The following MED13 variants were observed in gnomAD, a reference collection of about 807,000 sequenced individuals.
MED13 encodes mediator complex subunit 13.
Under a neutral mutation model 225.2 loss-of-function variants are expected in MED13, and 23 were observed. The ratio of observed to expected loss-of-function variants is 0.10; its 90% CI spans 0.07 to 0.14. The LOEUF is 0.14. MED13 is among the 10% of genes least tolerant of loss of function. The pLI is 1.00. For missense variants in MED13, 2,197 were observed against 2,594.5 expected, an observed-to-expected ratio of 0.85 and a Z score of 3.33; for synonymous variants, 942 against 889.2, an observed-to-expected ratio of 1.06 and a Z score of -1.06.
intron 9 of MED13, among the ~76,000 whole-genome samples, chr17:62,009,037 TA>T (rs1567974725): frequency 6.6e-6 from 1 of 151,790 alleles, no homozygotes; most frequent in South Asian, 2.1e-4. Flanking sequence ...AGTAATTCAC[TA>T]AAAAAAAGGT....
At chr17:62,051,706 T>C (rs1362666768) in intron 3 of MED13, among the ~76,000 whole-genome samples, 1 of 152,170 alleles carries the variant, frequency 6.6e-6, no homozygotes, top group African/African-American at 2.4e-5. Flanking sequence ...GACCTCAAAA[T>C]GATTACAATC....
In MED13 at chr17:62,048,066, A is replaced by ATATG. The variant is rs1568001129; in HGVS notation, c.470+4470_470+4471insCATA. 2.4e-3 allele frequency among the ~76,000 whole-genome samples: 340 copies of ATATG among 143,960 alleles called. 1 individual carries two copies. The highest frequency in any genetic ancestry group is 8.3e-3 in the African/African-American group (326 of 39,198). The allele number at this position is 143,960 out of a possible 152,430, so 94.4% of individuals were successfully genotyped here. On this transcript the variant is annotated intron_variant, in intron 3 of 29. Transcript: ENST00000397786. ...TACATATATATATATATATATATGT[A>ATATG]TATATGTATATATATATCCCTGAAG...
chr17:62,006,286 G>T (rs1267137727), intron 9 of MED13: 5 of 123,428 alleles, frequency 4.1e-5, no homozygotes, highest in South Asian at 2.7e-4. Context: ...AAAAAAAAAG[G>T]GGGGGGGGAG....
At chr17:61,960,822 T>C in intron 23 of MED13, 45 bp downstream of exon 23, 2 of 1,339,764 alleles carry the variant, frequency 1.5e-6, no homozygotes, top group African/African-American at 1.5e-5. Context: ...TGAAACAAAA[T>C]GTTACAAATG....
Position 62,029,607 on chromosome 17 carries a change from G to A in MED13, c.1217C>T (p.Thr406Ile). The change falls in exon 8 of 30, where the codon ACA (threonine) becomes ATA (isoleucine). Residue 406 changes from threonine to isoleucine, a missense_variant. Coordinates refer to ENST00000397786, the MANE Select transcript of MED13 (RefSeq NM_005121.3). ...ASSGGLCEEA[T>I]AAKVASWDFV... ...ATCCCAGGATGCCACTTTAGCAGCT[G>A]TCGCTTCTTCGCATAGACCACCTGA... 2 of 1,614,140 alleles carry A rather than the reference G, an allele frequency of 1.2e-6. No homozygotes were observed. The highest frequency in any genetic ancestry group is 1.7e-6 in the Non-Finnish European group (2 of 1,180,022).
chr17:62,054,670 A>G (rs2080983159), intron 2 of MED13, among the ~76,000 whole-genome samples: 1 of 152,206 alleles, frequency 6.6e-6, no homozygotes, highest in Non-Finnish European at 1.5e-5. Flanking sequence ...AGGTCCTACC[A>G]TTTCAAAATT....
At chr17:61,946,753 T>C (rs890699910) in intron 29 of MED13, among the ~76,000 whole-genome samples, 153 bp from the exon 30 acceptor site, 1 of 152,222 alleles carries the variant, frequency 6.6e-6, no homozygotes, top group African/African-American at 2.4e-5. Context: ...CCATAAAAAT[T>C]ATTCTCAAAA....
intron 8 of MED13, among the ~76,000 whole-genome samples, chr17:62,015,942 ATATATATATATATTTTTTTT>A (rs1244910646): frequency 6.0e-4 from 6 of 10,036 alleles, no homozygotes; most frequent in African/African-American, 7.9e-4. Context: ...ATATATATAT[ATATATATATATATTTTTTTT>A]TTTTTTTTTT....
intron 8 of MED13, among the ~76,000 whole-genome samples, chr17:62,022,867 G>A (rs916369568): frequency 6.6e-6 from 1 of 151,868 alleles, no homozygotes; most frequent in African/African-American, 2.4e-5. Context: ...AAAATTATCC[G>A]AGCATTGAGG....
At position 61,984,657 on chromosome 17, in the gene MED13, T is replaced by G; in HGVS notation, c.2685A>C (p.Glu895Asp). Residue 895 changes from glutamate (E) to aspartate (D), a missense_variant, in exon 14 of 30, where the codon GAA (glutamate) becomes GAC (aspartate). Transcript: ENST00000397786. ...DEGFCSPKPS[E>D]IKDFSYVYKP... ...CTAGAAAAAACATACTTACTTTAAT[T>G]TCAGAAGGTTTGGGGCTACAGAATC... is the stretch of plus-strand genomic sequence containing the variant. 6.3e-7 allele frequency: 1 copy of G among 1,598,810 alleles called. No homozygotes were observed. Among genetic ancestry groups the G allele is most frequent in the Non-Finnish European group, 8.5e-7 (1 of 1,174,450 alleles).
intron 3 of MED13, among the ~76,000 whole-genome samples, chr17:62,042,390 C>T (rs910857011): frequency 1.3e-4 from 20 of 151,810 alleles, no homozygotes; most frequent in Admixed American, 9.2e-4. Flanking sequence ...GGTGAAACCC[C>T]GACTCTACTA....
chr17:62,013,997 C>T (rs968590133), intron 8 of MED13, among the ~76,000 whole-genome samples: 1 of 152,116 alleles, frequency 6.6e-6, no homozygotes, highest in Admixed American at 6.6e-5. Context: ...TGAGATCACA[C>T]CACTGCACTC....
Position 62,065,126 on chromosome 17 carries a change from G to C in MED13, c.66+14C>G. On this transcript the variant is annotated intron_variant, in intron 1 of 29. Coordinates refer to ENST00000397786, the MANE Select transcript of MED13 (RefSeq NM_005121.3). ...GGCCCCCCTCCCTCGGCGCCCGCCG[G>C]CCCCGGCACTCACCAGGCAGAAGAG... The C allele has an allele frequency of 6.5e-7, 1 of 1,547,940 alleles. No individual in the cohort carries two copies. The highest frequency in any genetic ancestry group is 8.7e-7 in the Non-Finnish European group (1 of 1,149,152).
At chr17:62,012,890 T>C (rs1299066352) in intron 8 of MED13, among the ~76,000 whole-genome samples, 1 of 151,834 alleles carries the variant, frequency 6.6e-6, no homozygotes, top group Non-Finnish European at 1.5e-5. Context: ...CCTCCCAGGT[T>C]CAAGCAGTTT....
At chr17:61,949,445 A>C (rs113204750) in intron 28 of MED13, among the ~76,000 whole-genome samples, 8 of 152,230 alleles carry the variant, frequency 5.3e-5, no homozygotes, top group African/African-American at 1.7e-4. Flanking sequence ...CAGGCTGATC[A>C]CAAACTCCTG....
At chr17:61,964,836 T>C (rs539363511) in intron 20 of MED13, among the ~76,000 whole-genome samples, 170 bp downstream of exon 20, 2 of 151,982 alleles carry the variant, frequency 1.3e-5, no homozygotes, top group Non-Finnish European at 2.9e-5. Context: ...CTAGGGAGGC[T>C]GAGGGAGGAG....
chr17:61,963,163 T>C (rs1286301754), intron 20 of MED13, among the ~76,000 whole-genome samples, 192 bp from the exon 21 acceptor site: 1 of 104,394 alleles, frequency 9.6e-6, no homozygotes, highest in Non-Finnish European at 1.8e-5. Flanking sequence ...TCACAGTGTA[T>C]AAAGACACTT....
chr17:61,992,393 C>T (rs1382068909), intron 11 of MED13, 147 bp downstream of exon 11: 2 of 533,566 alleles, frequency 3.7e-6, no homozygotes, highest in African/African-American at 1.9e-5. Flanking sequence ...TAAAAGATAA[C>T]CAATAAACCC....
At chr17:62,011,749 T>C (rs916630183) in intron 8 of MED13, among the ~76,000 whole-genome samples, 7 of 152,206 alleles carry the variant, frequency 4.6e-5, no homozygotes, top group East Asian at 1.9e-4. Flanking sequence ...AATTGACTGA[T>C]TGATGGGCCT....
Sources: gnomAD v4.1 joint callset for allele counts (sites outside exome capture counted in the v4.1 genomes callset) on GRCh38, gnomAD v4.1.1 for gene constraint, MANE v1.5 for transcripts, NCBI Gene and HGNC (gene_info 2026-07-23, HGNC 2026-07-21) for gene names.